The following CNTNAP4 variants were observed in gnomAD, a reference collection of about 807,000 sequenced individuals.
CNTNAP4 encodes contactin-associated protein-like 4.
Under a neutral mutation model 148.4 loss-of-function variants are expected in CNTNAP4, and 98 were observed. That is an observed-to-expected ratio of 0.66 (90% CI 0.56 to 0.78). The LOEUF (loss-of-function observed/expected upper bound fraction) is 0.78. CNTNAP4 is among the 30% of genes least tolerant of loss of function. The probability of loss-of-function intolerance (pLI) is 0.00; values close to 1 mark genes in which losing one functional copy is unlikely to be tolerated. For missense variants in CNTNAP4, 1,935 were observed against 1,565.6 expected (o/e 1.24, Z -3.98); for synonymous variants, 730 against 565.1 (o/e 1.29, Z -4.14).
At chr16:76,408,212 T>G (rs538203743) in intron 3 of CNTNAP4, among the ~76,000 whole-genome samples, 1 of 152,258 alleles carries the variant, frequency 6.6e-6, no homozygotes, top group African/African-American at 2.4e-5. Flanking sequence ...ATATTCACTT[T>G]ATTGTGGTAG....
At chr16:76,361,641 G>T (rs957102157) in intron 3 of CNTNAP4, among the ~76,000 whole-genome samples, 16 of 152,168 alleles carry the variant, frequency 1.1e-4, no homozygotes, top group Non-Finnish European at 2.1e-4. Flanking sequence ...ATGTCTCTTT[G>T]AGATCCTGAT....
At chr16:76,442,262 A>T (rs2080073106) in intron 4 of CNTNAP4, among the ~76,000 whole-genome samples, 1 of 152,098 alleles carries the variant, frequency 6.6e-6, no homozygotes, top group South Asian at 2.1e-4. Context: ...AAGACAAAGA[A>T]ATGAATTATT....
chr16:76,449,000 G>T (rs2080355162), intron 6 of CNTNAP4, 49 bp downstream of exon 6: 4 of 1,533,432 alleles, frequency 2.6e-6, no homozygotes, highest in Non-Finnish European at 3.6e-6. Flanking sequence ...TGTATATGTG[G>T]TTTAATCTCC....
intron 1 of CNTNAP4, among the ~76,000 whole-genome samples, chr16:76,304,016 G>T (rs1322547102): frequency 6.6e-6 from 1 of 152,032 alleles, no homozygotes; most frequent in Non-Finnish European, 1.5e-5. Context: ...CTTTTATTCA[G>T]TTCCAACTTT....
chr16:76,364,233 C>CAAAAAAAAAAAAAAAAAAAAA (rs58589609), intron 3 of CNTNAP4, among the ~76,000 whole-genome samples: 2 of 48,178 alleles, frequency 4.2e-5, no homozygotes, highest in African/African-American at 7.8e-5. Flanking sequence ...GATTCCATCT[C>CAAAAAAAAAAAAAAAAAAAAA]AAAAAAAAAA....
rs142680822 is a variant in CNTNAP4, at chr16:76,422,559, C to A, written c.391-4893C>A. Among the ~76,000 whole-genome samples, 537 of 152,198 alleles carry A rather than the reference C, an allele frequency of 3.5e-3. 3 individuals are homozygous for A. The highest frequency in any genetic ancestry group is 0.012 in the African/African-American group (511 of 41,512). Reference sequence around the variant, plus strand: ...CTTCAGATAAAATATTAAATTTCCTCTAGGGTAAGTTGTTTGCTTTCATGT... The same window carrying A: ...CTTCAGATAAAATATTAAATTTCCTATAGGGTAAGTTGTTTGCTTTCATGT... On this transcript the variant is annotated intron_variant, in intron 3 of 23. Coordinates refer to ENST00000611870, the MANE Select transcript of CNTNAP4 (RefSeq NM_033401.5).
At chr16:76,321,799 A>C (rs200459110) in intron 2 of CNTNAP4, among the ~76,000 whole-genome samples, 3 of 139,128 alleles carry the variant, frequency 2.2e-5, no homozygotes, top group African/African-American at 7.4e-5. Flanking sequence ...AAAAAAAAAA[A>C]AAAAAAAACT....
intron 3 of CNTNAP4, among the ~76,000 whole-genome samples, chr16:76,382,608 T>C (rs2016091317): frequency 6.6e-6 from 1 of 152,180 alleles, no homozygotes; most frequent in Non-Finnish European, 1.5e-5. Context: ...TTGAATTAGA[T>C]ACATCAATAT....
intron 3 of CNTNAP4, among the ~76,000 whole-genome samples, chr16:76,383,981 A>G (rs191244160): frequency 1.0e-3 from 156 of 152,274 alleles, no homozygotes; most frequent in African/African-American, 3.6e-3. Context: ...TTAAATTTTT[A>G]GTAAAGTTCT....
intron 17 of CNTNAP4, among the ~76,000 whole-genome samples, chr16:76,528,634 GTATTTACT>G (rs1555594901): frequency 6.6e-6 from 1 of 152,138 alleles, no homozygotes; most frequent in Non-Finnish European, 1.5e-5. Context: ...AGAATCCAGT[GTATTTACT>G]CCATTGCTTC....
At chr16:76,418,881 G>A (rs1028654431) in intron 3 of CNTNAP4, among the ~76,000 whole-genome samples, 2 of 151,926 alleles carry the variant, frequency 1.3e-5, no homozygotes, top group African/African-American at 4.8e-5. Context: ...GTTTAGGTTT[G>A]CTATAGGTAC....
chr16:76,447,320 T>TTATATATATGAAATTATGTATA (rs1170080844), intron 4 of CNTNAP4, among the ~76,000 whole-genome samples: 6 of 132,540 alleles, frequency 4.5e-5, no homozygotes, highest in African/African-American at 1.9e-4. Flanking sequence ...GCCTGAAAAA[T>TTATATATATGAAATTATGTATA]TATATATATG....
rs375113316 is a variant in CNTNAP4, at chr16:76,385,791, T to C, written c.390+30280T>C. On this transcript the variant is annotated intron_variant, in intron 3 of 23. Coordinates refer to ENST00000611870, the MANE Select transcript of CNTNAP4 (RefSeq NM_033401.5). Reference sequence around the variant, plus strand: ...AGTCTGTAGTGCTGATTTATTAATATTGAGCTCATGGCCAACAGCACTATA... The same window carrying C: ...AGTCTGTAGTGCTGATTTATTAATACTGAGCTCATGGCCAACAGCACTATA... Among the ~76,000 whole-genome samples, 16 of 152,232 alleles carry C rather than the reference T, an allele frequency of 1.1e-4. No homozygotes were observed. In the East Asian group the frequency reaches 2.7e-3, roughly 26 times the overall value.
chr16:76,412,494 C>T (rs2078834132), intron 3 of CNTNAP4, among the ~76,000 whole-genome samples: 1 of 151,230 alleles, frequency 6.6e-6, no homozygotes, highest in South Asian at 2.1e-4. Context: ...TCCATTTGTT[C>T]CACATTCTTG....
chr16:76,447,446 A>G (rs1208633662), intron 4 of CNTNAP4, among the ~76,000 whole-genome samples: 1 of 151,990 alleles, frequency 6.6e-6, no homozygotes, highest in Non-Finnish European at 1.5e-5. Context: ...GACTAAAATG[A>G]AATCAACCCC....
intron 7 of CNTNAP4, among the ~76,000 whole-genome samples, chr16:76,452,237 G>C (rs1386731125): frequency 6.6e-6 from 1 of 152,094 alleles, no homozygotes; most frequent in Non-Finnish European, 1.5e-5. Flanking sequence ...GTTTGACCAA[G>C]ACCAAATGTT....
intron 13 of CNTNAP4, among the ~76,000 whole-genome samples, chr16:76,493,721 T>TA (rs1597725506): frequency 6.6e-6 from 1 of 152,190 alleles, no homozygotes. Flanking sequence ...ATCATGTAAT[T>TA]AAAAAAAGAC....
At chr16:76,498,099 A>G (rs1229826890) in intron 14 of CNTNAP4, among the ~76,000 whole-genome samples, 1 of 152,206 alleles carries the variant, frequency 6.6e-6, no homozygotes. Flanking sequence ...TTTAAATGTC[A>G]TTATGTTTTG....
At chr16:76,382,060 CAAAAAAAAAAAA>C (rs67028367) in intron 3 of CNTNAP4, among the ~76,000 whole-genome samples, 13 of 53,328 alleles carry the variant, frequency 2.4e-4, no homozygotes, top group East Asian at 1.7e-3. Flanking sequence ...GACTCCGTCT[CAAAAAAAAAAAA>C]AAAAAAAAAA....
Sources: allele counts gnomAD v4.1 joint callset (sites outside exome capture counted in the v4.1 genomes callset), GRCh38; gene constraint gnomAD v4.1.1; transcripts MANE v1.5; gene names NCBI Gene and HGNC (gene_info 2026-07-23, HGNC 2026-07-21).